The following YRDC variants were observed in gnomAD, a reference collection of about 807,000 sequenced individuals.
The protein encoded by YRDC is yrdC N6-threonylcarbamoyltransferase domain containing.
A neutral mutation model predicts 21.5 loss-of-function variants in YRDC; 17 were observed. That is an observed-to-expected ratio of 0.79 (90% CI 0.54 to 1.19). YRDC has a LOEUF of 1.19. Ranked by LOEUF, YRDC falls within the 50% of genes most tolerant of loss-of-function variation. The pLI is 0.00. For synonymous variants in YRDC, 193 were observed against 176.7 expected (o/e 1.09, Z -0.73); for missense variants, 380 against 397.1 (o/e 0.96, Z 0.37).
At chr1:37,807,488 T>C (rs1646747151) in intron 1 of YRDC, 1 of 588,038 alleles carries the variant, frequency 1.7e-6, no homozygotes, top group Non-Finnish European at 2.9e-6. Flanking sequence ...TTTATTTTCT[T>C]CAAGGCATTC....
chr1:37,807,436 T>C, intron 1 of YRDC: 1 of 603,738 alleles, frequency 1.7e-6, no homozygotes, highest in Non-Finnish European at 2.9e-6. Context: ...CTACAACAGC[T>C]GCACCGCTGT....
intron 3 of YRDC, among the ~76,000 whole-genome samples, chr1:37,806,259 G>A (rs371958642): frequency 2.1e-4 from 32 of 151,554 alleles, no homozygotes; most frequent in African/African-American, 7.0e-4. Context: ...GGAGTACAGT[G>A]GCACAATCTG....
In YRDC at chr1:37,804,012, G is replaced by T; in HGVS notation, c.768-15C>A. The T allele has an allele frequency of 6.2e-7, 1 of 1,614,092 alleles. No homozygotes were observed. Reference sequence around the variant, plus strand: ...TTTCCAGGGCACTGAGGAGGAAACAGGACAGTTACCAGTCTGACTTCTCAG... The same window carrying T: ...TTTCCAGGGCACTGAGGAGGAAACATGACAGTTACCAGTCTGACTTCTCAG... On this transcript the variant is annotated splice_polypyrimidine_tract_variant and intron_variant, in intron 4 of 4. Coordinates refer to ENST00000373044, the MANE Select transcript of YRDC (RefSeq NM_024640.4).
At chr1:37,804,063 T>C in intron 4 of YRDC, 66 bp from the exon 5 acceptor site, 1 of 1,588,122 alleles carries the variant, frequency 6.3e-7, no homozygotes, top group East Asian at 2.2e-5. Flanking sequence ...CAGAGGCTGG[T>C]GAGCAGGGAC....
chr1:37,807,129 A>C lies in YRDC; in HGVS notation c.476T>G (p.Leu159Arg). 1.2e-6 allele frequency: 2 copies of C among 1,614,120 alleles called. No individual in the cohort carries two copies. The highest frequency in any genetic ancestry group is 1.7e-6 in the Non-Finnish European group (2 of 1,180,030). The change falls in exon 2 of 5, where the codon CTC becomes CGC. Residue 159 changes from leucine to arginine, a missense_variant. Leu to Arg is a moderately radical substitution (Grantham distance 102). This residue lies in a region of YRDC where 238 missense variants were observed against 236.5 expected (regional missense o/e 1.01). Coordinates refer to ENST00000373044, the MANE Select transcript of YRDC (RefSeq NM_024640.4). ...VTLVMERSEE[L>R]NKDLNPFTPL... The stretch of plus-strand genomic sequence containing the variant: ...CGTAAAAGGGTTTAGGTCCTTGTTG[A>C]GCTCCTCCGAGCGTTCCATCACCAG...
chr1:37,803,827 A>C lies in YRDC; in HGVS notation c.*98T>G. On this transcript the variant is annotated 3_prime_UTR_variant, in exon 5 of 5. Coordinates refer to ENST00000373044, the MANE Select transcript of YRDC (RefSeq NM_024640.4). ...GCCTTAAAAGTCAGGCTAGTGCCCT[A>C]GCTCCGGTGGCCTCTGCAAATGAGG... is the stretch of plus-strand genomic sequence containing the variant. 7.4e-7 allele frequency: 1 copy of C among 1,357,042 alleles called. No individual in the cohort carries two copies. The highest frequency in any genetic ancestry group is 1.0e-6 in the Non-Finnish European group (1 of 965,098). 84.1% of individuals were successfully genotyped at this position (1,357,042 alleles called of 1,614,324 possible).
chr1:37,803,905 C>T lies in YRDC; in HGVS notation c.*20G>A. On this transcript the variant is annotated 3_prime_UTR_variant, in exon 5 of 5. Transcript: ENST00000373044. ...ATAGTATCCAGCACCAGGTCTTGGG[C>T]CTTCCTGCTTCCCAGAGTTTCACAG... 1 of 1,613,558 alleles carries T rather than the reference C, an allele frequency of 6.2e-7. No homozygotes were observed. The highest frequency in any genetic ancestry group is 1.7e-4 in the Middle Eastern group (1 of 5,816).
At chr1:37,807,249 T>C (rs762168875) in intron 1 of YRDC, 34 bp from the exon 2 acceptor site, 7 of 1,592,462 alleles carry the variant, frequency 4.4e-6, no homozygotes, top group Non-Finnish European at 5.2e-6. Context: ...CCATTCAAAA[T>C]TGAAGGGCCA....
chr1:37,805,375 C>T (rs530980166), intron 3 of YRDC, among the ~76,000 whole-genome samples: 4 of 152,306 alleles, frequency 2.6e-5, no homozygotes, highest in Admixed American at 1.3e-4. Context: ...GATCTCACTG[C>T]GACTCTGATC....
At chr1:37,807,453 A>G in intron 1 of YRDC, 1 of 589,118 alleles carries the variant, frequency 1.7e-6, no homozygotes, top group Non-Finnish European at 3.0e-6. Flanking sequence ...CTGTGATATC[A>G]TGATAGTGGG....
At chr1:37,804,036 AG>A (rs1557577752) in intron 4 of YRDC, 39 bp from the exon 5 acceptor site, 2 of 1,610,308 alleles carry the variant, frequency 1.2e-6, no homozygotes, top group East Asian at 2.2e-5. Flanking sequence ...CTGACTTCTC[AG>A]AAGTCCCGAG....
rs187139243 is a variant in YRDC, at chr1:37,803,787, T to G, written c.*138A>C. 3 of 866,850 alleles carry G rather than the reference T, an allele frequency of 3.5e-6. No individual in the cohort carries two copies. Among genetic ancestry groups the G allele is most frequent in the East Asian group, 5.2e-5 (2 of 38,132 alleles). 53.7% of individuals were successfully genotyped at this position (866,850 alleles called of 1,614,324 possible). On this transcript the variant is annotated 3_prime_UTR_variant, in exon 5 of 5. Transcript: ENST00000373044. ...GCTCCAAGGGCTTGGTCTACAGTGC[T>G]CAGAAAGACACACTGCCTTAAAAGT...
intron 3 of YRDC, among the ~76,000 whole-genome samples, chr1:37,804,761 T>C (rs1646723859): frequency 6.6e-6 from 1 of 152,212 alleles, no homozygotes; most frequent in African/African-American, 2.4e-5. Context: ...TGGGCAGAGA[T>C]ACGGGCTATA....
chr1:37,803,932 T>C lies in YRDC; in HGVS notation c.833A>G (p.Tyr278Cys). 6.2e-7 allele frequency: 1 copy of C among 1,614,032 alleles called. No individual in the cohort carries two copies. Among genetic ancestry groups the C allele is most frequent in the East Asian group, 2.2e-5 (1 of 44,878 alleles). ...TTCCTGCTTCCCAGAGTTTCACAGG[T>C]AGGACGCATGTGAGGGGAGCAGTCC... ...KYGLLPSHAS[Y>C]L Residue 278 changes from tyrosine (Y) to cysteine (C), a missense_variant, in exon 5 of 5, where the codon TAC becomes TGC. By Grantham distance (194) the Tyr-to-Cys change is radical. Coordinates refer to ENST00000373044, the MANE Select transcript of YRDC (RefSeq NM_024640.4).
At chr1:37,807,710 T>G in intron 1 of YRDC, 82 bp downstream of exon 1, 1 of 1,370,926 alleles carries the variant, frequency 7.3e-7, no homozygotes. Flanking sequence ...TCCCGCTCTC[T>G]GCGCCTCAGT....
intron 1 of YRDC, 84 bp downstream of exon 1, chr1:37,807,708 T>C: frequency 5.1e-6 from 7 of 1,368,954 alleles, no homozygotes; most frequent in Non-Finnish European, 6.6e-6. Flanking sequence ...CCTCCCGCTC[T>C]CTGCGCCTCA....
rs116452611 is a variant in YRDC at position 37,804,575 on chromosome 1, T to C, written c.625-131A>G. ...CTTTCCTCTAAGCAGAGAAAGGAGC[T>C]TCATTTAGTTAAGGTCAACTGTGCC... On this transcript the variant is annotated intron_variant, in intron 3 of 4. Coordinates refer to ENST00000373044, the MANE Select transcript of YRDC (RefSeq NM_024640.4). The C allele has an allele frequency of 7.0e-4, 840 of 1,193,580 alleles. 4 individuals carry two copies. The African/African-American group carries it at 0.012, about 17-fold the overall frequency. The allele number at this position is 1,193,580 out of a possible 1,614,324, so 73.9% of individuals were successfully genotyped here. A position where few individuals can be genotyped will look rare whatever the true frequency, so the allele number is the denominator to read the frequency against.
intron 3 of YRDC, 141 bp downstream of exon 3, chr1:37,806,716 C>T: frequency 3.7e-6 from 5 of 1,346,056 alleles, no homozygotes; most frequent in East Asian, 2.3e-5. Flanking sequence ...CCACCACCTC[C>T]CTGCCAGCTG....
At chr1:37,806,709 C>G in intron 3 of YRDC, 148 bp downstream of exon 3, 1 of 1,273,316 alleles carries the variant, frequency 7.9e-7, no homozygotes, top group Non-Finnish European at 1.1e-6. Context: ...TTGCCCCCCA[C>G]CACCTCCCTG....
Sources: allele counts gnomAD v4.1 joint callset (sites outside exome capture counted in the v4.1 genomes callset), GRCh38; gene constraint gnomAD v4.1.1; regional missense constraint gnomAD v4.1.1; transcripts MANE v1.5; gene names NCBI Gene and HGNC (gene_info 2026-07-23, HGNC 2026-07-21).